The following MYOM3 variants were observed in gnomAD, a reference collection of about 807,000 sequenced individuals.
The protein encoded by MYOM3 is myomesin 3, also known as myomesin-3.
A neutral mutation model predicts 191.7 loss-of-function variants in MYOM3; 155 were observed. The observed-to-expected ratio is 0.81, with a 90% CI of 0.71 to 0.92. The LOEUF (loss-of-function observed/expected upper bound fraction) is 0.92, where lower values mean the gene tolerates loss of function less well. MYOM3 is among the 40% of genes least tolerant of loss of function. The pLI, the probability that MYOM3 is intolerant of heterozygous loss-of-function variation, is 0.00. For synonymous variants in MYOM3, 757 were observed against 762.9 expected (o/e 0.99, Z 0.13); for missense variants, 1,889 against 1,890.6 (o/e 1.00, Z 0.02).
Position 24,071,160 on chromosome 1 carries a change from T to A in MYOM3, c.3107A>T (p.Glu1036Val). 1 of 1,614,184 alleles carries A rather than the reference T, an allele frequency of 6.2e-7. No homozygotes were observed. Among genetic ancestry groups the A allele is most frequent in the South Asian group, 1.1e-5 (1 of 91,084 alleles). ...LEVEKLSPAA[E>V]LHLIFNNKEI... ...CTTGTTGTTGAAGATTAGATGTAGCTCAGCGGCTGGAGATAACTTTTCTAC... is the reference window on the plus strand; with the variant it reads ...CTTGTTGTTGAAGATTAGATGTAGCACAGCGGCTGGAGATAACTTTTCTAC... Residue 1036 changes from glutamate (E) to valine (V), a missense_variant, in exon 25 of 37, where the codon GAG becomes GTG. By Grantham distance (121) the Glu-to-Val change is moderately radical. Transcript: ENST00000374434.
In MYOM3 at chr1:24,072,440, C is replaced by A. The variant is rs547082491; in HGVS notation, c.2969-427G>T. ...CCCCTGTCACATGCTATCTTAGTGTCCCTGGGTCTGGACGACACACCGAGC... is the reference window on the plus strand; with the variant it reads ...CCCCTGTCACATGCTATCTTAGTGTACCTGGGTCTGGACGACACACCGAGC... On this transcript the variant is annotated intron_variant, in intron 23 of 36. Coordinates refer to ENST00000374434, the MANE Select transcript of MYOM3 (RefSeq NM_152372.4). 2.0e-5 allele frequency among the ~76,000 whole-genome samples: 3 copies of A among 152,192 alleles called. No homozygotes were observed. In the East Asian group the frequency reaches 5.8e-4, roughly 29 times the overall value.
At position 24,071,395 on chromosome 1, in the gene MYOM3, T is replaced by C. The variant is rs1473582419; in HGVS notation, c.3014-142A>G. The C allele has an allele frequency of 1.6e-5, 16 of 987,780 alleles. 1 individual carries two copies. The South Asian group carries it at 2.0e-4, about 12-fold the overall frequency. The allele number at this position is 987,780 out of a possible 1,614,324, so 61.2% of individuals were successfully genotyped here. A position where few individuals can be genotyped will look rare whatever the true frequency, so the allele number is the denominator to read the frequency against. On this transcript the variant is annotated intron_variant, in intron 24 of 36. Coordinates refer to ENST00000374434, the MANE Select transcript of MYOM3 (RefSeq NM_152372.4). ...TGAAGGAGACTGTACTGGGTGGGGC[T>C]CAGAGGAGGGTTTTCCGAATGCCCA... is the stretch of plus-strand genomic sequence containing the variant.
At chr1:24,074,381 G>T in intron 22 of MYOM3, 112 bp from the exon 23 acceptor site, 1 of 715,780 alleles carries the variant, frequency 1.4e-6, no homozygotes, top group South Asian at 1.8e-5. Context: ...ACCCCAAGCA[G>T]ACCCTGGCCA....
chr1:24,086,912 GC>G, intron 14 of MYOM3, 85 bp from the exon 15 acceptor site: 3 of 1,396,706 alleles, frequency 2.1e-6, no homozygotes, highest in Non-Finnish European at 3.0e-6. Flanking sequence ...TCTGTCCCCA[GC>G]CCGTGTGCTC....
chr1:24,076,548 C>CT lies in MYOM3; in HGVS notation c.2587-276dup, dbSNP rs570313865. On this transcript the variant is annotated intron_variant, in intron 20 of 36. Transcript: ENST00000374434. Reference sequence around the variant, plus strand: ...TTTTTTTTTGAGACGGAGTCTCGCTCTGTCGCCCAGGCTGGAGTGCAGTGG... The same window carrying CT: ...TTTTTTTTTGAGACGGAGTCTCGCTCTTGTCGCCCAGGCTGGAGTGCAGTGG... Among the ~76,000 whole-genome samples, 11 of 41,866 alleles carry CT rather than the reference C, an allele frequency of 2.6e-4. 1 individual carries two copies. The highest frequency in any genetic ancestry group is 1.8e-3 in the East Asian group (2 of 1,126). The allele number at this position is 41,866 out of a possible 152,430, so 27.5% of individuals were successfully genotyped here.
intron 22 of MYOM3, among the ~76,000 whole-genome samples, chr1:24,075,002 G>C (rs72648535): frequency 0.031 from 4,725 of 152,236 alleles, 114 homozygotes; most frequent in South Asian, 0.11. Flanking sequence ...ACTTGCTCTT[G>C]GGAGGTCAAG....
chr1:24,070,249 T>A (rs1281202240), intron 25 of MYOM3, among the ~76,000 whole-genome samples: 1 of 152,178 alleles, frequency 6.6e-6, no homozygotes. Context: ...AATCAGAAGC[T>A]ATTCTGTACA....
chr1:24,066,855 T>A, intron 28 of MYOM3, 166 bp downstream of exon 28: 1 of 607,634 alleles, frequency 1.6e-6, no homozygotes, highest in Non-Finnish European at 2.8e-6. Context: ...GGGTTTGCTT[T>A]TTGGGTTACG....
intron 2 of MYOM3, 196 bp from the exon 3 acceptor site, chr1:24,108,269 C>T (rs1041077560): frequency 5.3e-6 from 4 of 749,568 alleles, no homozygotes; most frequent in Non-Finnish European, 8.5e-6. Context: ...AACAGGGTTT[C>T]CAGAGGACAG....
chr1:24,082,668 C>G lies in MYOM3; in HGVS notation c.2017G>C (p.Val673Leu), dbSNP rs757091056. ...ACCCCAGCCTCGCTGACTGACCTGACACAAAACTCGTACTCCTTCCCCGTC... is the reference window on the plus strand; with the variant it reads ...ACCCCAGCCTCGCTGACTGACCTGAGACAAAACTCGTACTCCTTCCCCGTC... ...LRTGKEYEFC[V>L]RSVSEAGVGE... Residue 673 changes from valine to leucine, a missense_variant, in exon 17 of 37, where the codon GTC (valine) becomes CTC (leucine). By Grantham distance (32) the Val-to-Leu change is conservative. Transcript: ENST00000374434. 7 of 1,612,668 alleles carry G rather than the reference C, an allele frequency of 4.3e-6. No homozygotes were observed. The highest frequency in any genetic ancestry group is 5.1e-6 in the Non-Finnish European group (6 of 1,179,498).
In MYOM3 at chr1:24,090,127, A is replaced by G. The variant is rs755593812; in HGVS notation, c.1433-9T>C. The G allele has an allele frequency of 3.9e-5, 62 of 1,596,910 alleles. No homozygotes were observed. In the South Asian group the frequency reaches 6.1e-4, roughly 16 times the overall value. ...CAGATCAAAGGGGATCTCTAGGATGAGAAGGGAGCATGGGAGGGTGGGGGG... is the reference window on the plus strand; with the variant it reads ...CAGATCAAAGGGGATCTCTAGGATGGGAAGGGAGCATGGGAGGGTGGGGGG... On this transcript the variant is annotated splice_polypyrimidine_tract_variant and intron_variant, in intron 12 of 36. Coordinates refer to ENST00000374434, the MANE Select transcript of MYOM3 (RefSeq NM_152372.4).
At chr1:24,072,441 C>T (rs1206181272) in intron 23 of MYOM3, among the ~76,000 whole-genome samples, 1 of 152,016 alleles carries the variant, frequency 6.6e-6, no homozygotes, top group Non-Finnish European at 1.5e-5. Context: ...TCTTAGTGTC[C>T]CTGGGTCTGG....
intron 36 of MYOM3, among the ~76,000 whole-genome samples, chr1:24,058,232 G>A (rs1304127816): frequency 1.3e-5 from 2 of 152,152 alleles, no homozygotes; most frequent in Admixed American, 6.5e-5. Context: ...ATGTCACTAC[G>A]ATTTTACAAT....
intron 14 of MYOM3, among the ~76,000 whole-genome samples, chr1:24,088,932 C>T (rs756876176): frequency 1.6e-4 from 25 of 152,174 alleles, no homozygotes; most frequent in Non-Finnish European, 2.8e-4. Context: ...AGGACACTCA[C>T]TCAGGATCAC....
intron 21 of MYOM3, 28 bp downstream of exon 21, chr1:24,076,131 G>C (rs767092401): frequency 3.8e-6 from 6 of 1,568,440 alleles, no homozygotes; most frequent in Non-Finnish European, 5.3e-6. Flanking sequence ...CCCAGTGGCA[G>C]AGCTCTGGCC....
chr1:24,089,715 C>A, intron 13 of MYOM3, 50 bp from the exon 14 acceptor site: 1 of 1,524,764 alleles, frequency 6.6e-7, no homozygotes, highest in South Asian at 1.3e-5. Context: ...TCAGAGACCC[C>A]CTAATCTCAG....
At chr1:24,094,789 G>T (rs748967725) in intron 9 of MYOM3, 64 bp downstream of exon 9, 104 of 1,513,830 alleles carry the variant, frequency 6.9e-5, no homozygotes, top group Non-Finnish European at 8.5e-5. Context: ...GTCCTCTCTG[G>T]CTCTGAGTTG....
chr1:24,107,143 G>C lies in MYOM3; in HGVS notation c.332C>G (p.Thr111Ser). ...RVGFGNDWER[T>S]EIAFLQTHRL... ...GTGGGTCTGCAGGAAGGCGATCTCA[G>C]TCCTCTCCCAGTCATTGCCGAAGCC... The change falls in exon 4 of 37, where the codon ACT becomes AGT. Residue 111 changes from threonine (T) to serine (S), a missense_variant. Coordinates refer to ENST00000374434, the MANE Select transcript of MYOM3 (RefSeq NM_152372.4). 6.2e-7 allele frequency: 1 copy of C among 1,612,682 alleles called. No individual in the cohort carries two copies. The highest frequency in any genetic ancestry group is 1.7e-5 in the Admixed American group (1 of 59,890).
At chr1:24,100,330 C>A (rs890429257) in intron 5 of MYOM3, among the ~76,000 whole-genome samples, 2 of 152,158 alleles carry the variant, frequency 1.3e-5, no homozygotes, top group Non-Finnish European at 2.9e-5. Context: ...AAGCCTTTCC[C>A]CTGTGCCCAC....
Sources: allele counts gnomAD v4.1 joint callset (sites outside exome capture counted in the v4.1 genomes callset), GRCh38; gene constraint gnomAD v4.1.1; transcripts MANE v1.5; gene names NCBI Gene and HGNC (gene_info 2026-07-23, HGNC 2026-07-21).